Variants in SYNE1 observed in about 807,000 individuals in gnomAD.
The protein encoded by SYNE1 is nesprin-1.
A neutral mutation model predicts 1,111.0 loss-of-function variants in SYNE1; 616 were observed. The observed-to-expected ratio is 0.55, with a 90% confidence interval of 0.52 to 0.59. The LOEUF is 0.59. Among genes scored for constraint, SYNE1 ranks in the 20% least tolerant of loss-of-function variants. The pLI is 0.00. For synonymous variants in SYNE1, 3,855 were observed against 3,825.8 expected (o/e 1.01, Z -0.28); for missense variants, 10,006 against 10,417.0 (o/e 0.96, Z 1.72).
At chr6:152,131,752 G>A (rs1002397625) in intron 144 of SYNE1, among the ~76,000 whole-genome samples, 17 of 152,108 alleles carry the variant, frequency 1.1e-4, no homozygotes, top group East Asian at 1.9e-4. Flanking sequence ...ACCTCCAGCC[G>A]AGGCGCCCCG....
chr6:152,279,503 C>A (rs1278649774), intron 97 of SYNE1, among the ~76,000 whole-genome samples: 1 of 151,520 alleles, frequency 6.6e-6, no homozygotes, highest in Non-Finnish European at 1.5e-5. Context: ...ATCGCTTGAG[C>A]TCAGGAGTTT....
chr6:152,206,548 T>C (rs560386343), intron 125 of SYNE1, among the ~76,000 whole-genome samples, 186 bp from the exon 126 acceptor site: 1 of 152,242 alleles, frequency 6.6e-6, no homozygotes, highest in African/African-American at 2.4e-5. Flanking sequence ...GCTTAGTTTC[T>C]GTCTCCAAGG....
intron 50 of SYNE1, among the ~76,000 whole-genome samples, chr6:152,395,987 C>T (rs1221323017): frequency 1.3e-5 from 2 of 152,138 alleles, no homozygotes; most frequent in Admixed American, 6.5e-5. Context: ...TTGTGTCTTA[C>T]TACGAAGACC....
chr6:152,465,169 A>G lies in SYNE1; in HGVS notation c.1932+89T>C, dbSNP rs1011725145. On this transcript the variant is annotated intron_variant, in intron 18 of 145. Transcript: ENST00000367255. The stretch of plus-strand genomic sequence containing the variant: ...AGATTCTTGAGTGACACTTGTAAAT[A>G]TATGCGACCCCCTAGTGAGCTACGC... 3.5e-5 allele frequency: 50 copies of G among 1,426,864 alleles called. No individual in the cohort carries two copies. The African/African-American group carries it at 6.8e-4, about 19-fold the overall frequency. The allele number at this position is 1,426,864 out of a possible 1,614,324, so 88.4% of individuals were successfully genotyped here.
chr6:152,380,503 T>C (rs2097390276), intron 56 of SYNE1: 1 of 159,744 alleles, frequency 6.3e-6, no homozygotes, highest in Non-Finnish European at 1.4e-5. Flanking sequence ...AGAGTTCTGT[T>C]AACAGGCTAA....
intron 115 of SYNE1, 113 bp from the exon 116 acceptor site, chr6:152,225,989 A>C (rs2081485374): frequency 1.9e-6 from 2 of 1,044,118 alleles, no homozygotes; most frequent in Admixed American, 2.4e-5. Flanking sequence ...TAATCCAAAA[A>C]GCTTATCTCT....
intron 127 of SYNE1, among the ~76,000 whole-genome samples, chr6:152,192,727 G>A (rs903433462): frequency 9.2e-5 from 14 of 151,850 alleles, no homozygotes; most frequent in Admixed American, 7.2e-4. Flanking sequence ...ATTTATCTGG[G>A]TGGTCCAGTG....
rs748930641 is a variant in SYNE1, at chr6:152,334,145, G to A, written c.12657C>T (p.Leu4219=). The change falls in exon 77 of 146, where the codon CTC becomes CTT. Residue 4219 remains leucine (L), a synonymous_variant. Coordinates refer to ENST00000367255, the MANE Select transcript of SYNE1 (RefSeq NM_182961.4). ...GGTTGTTAGACTGACGGCACAAATCGAGCCACTGATCATTTAAATGATTTA... is the reference window on the plus strand; with the variant it reads ...GGTTGTTAGACTGACGGCACAAATCAAGCCACTGATCATTTAAATGATTTA... The part of the protein sequence containing the change: ...KEINHLNDQW[L]DLCRQSNNLC... 24 of 1,613,906 alleles carry A rather than the reference G, an allele frequency of 1.5e-5. No individual in the cohort carries two copies. The highest frequency in any genetic ancestry group is 3.3e-4 in the Middle Eastern group (2 of 6,084).
intron 4 of SYNE1, among the ~76,000 whole-genome samples, chr6:152,533,659 G>A (rs1487786397): frequency 6.6e-6 from 1 of 151,856 alleles, no homozygotes; most frequent in Non-Finnish European, 1.5e-5. Context: ...CCCTCCTTCT[G>A]CCCTTGCTTC....
At chr6:152,561,639 G>A (rs1247287053) in intron 3 of SYNE1, among the ~76,000 whole-genome samples, 1 of 152,024 alleles carries the variant, frequency 6.6e-6, no homozygotes, top group Non-Finnish European at 1.5e-5. Flanking sequence ...AACAAAGCTG[G>A]AGGCATATTT....
At chr6:152,511,701 G>A (rs2099085881) in intron 6 of SYNE1, 10 of 1,119,810 alleles carry the variant, frequency 8.9e-6, no homozygotes, top group Admixed American at 1.8e-5. Flanking sequence ...TTTAGAACCT[G>A]ACTGTGGTAA....
intron 138 of SYNE1, 55 bp downstream of exon 138, chr6:152,143,568 T>C (rs2058899392): frequency 6.2e-7 from 1 of 1,613,316 alleles, no homozygotes. Context: ...AACTGTTCTT[T>C]GACACAGAAC....
intron 15 of SYNE1, 30 bp from the exon 16 acceptor site, chr6:152,471,795 A>C (rs2098806943): frequency 1.2e-6 from 2 of 1,603,906 alleles, no homozygotes; most frequent in South Asian, 2.2e-5. Context: ...AATTTATAGA[A>C]TGTAACTAAT....
Position 152,441,904 on chromosome 6 carries a change from A to G in SYNE1, c.4008+171T>C, listed in dbSNP as rs895826049. 3.9e-5 allele frequency among the ~76,000 whole-genome samples: 6 copies of G among 152,196 alleles called. No individual in the cohort carries two copies. The South Asian group carries it at 6.2e-4, about 16-fold the overall frequency. ...ACTTGCAAAATGTGCAACTTCCAAT[A>G]TCCATCTCTAAGGCTGATGTGATGA... On this transcript the variant is annotated intron_variant, in intron 31 of 145. Coordinates refer to ENST00000367255, the MANE Select transcript of SYNE1 (RefSeq NM_182961.4).
intron 127 of SYNE1, among the ~76,000 whole-genome samples, chr6:152,195,883 T>G (rs905770329): frequency 1.3e-5 from 2 of 152,176 alleles, no homozygotes; most frequent in African/African-American, 4.8e-5. Flanking sequence ...GGCAATGAGC[T>G]CCCCCTGGCC....
intron 3 of SYNE1, among the ~76,000 whole-genome samples, chr6:152,603,814 A>T (rs144455050): frequency 0.057 from 6,935 of 122,028 alleles, 267 homozygotes; most frequent in Non-Finnish European, 0.088. Context: ...TATAGAGAGT[A>T]TATATATATA....
At chr6:152,372,091 C>T (rs2097200851) in intron 59 of SYNE1, among the ~76,000 whole-genome samples, 1 of 152,168 alleles carries the variant, frequency 6.6e-6, no homozygotes, top group Non-Finnish European at 1.5e-5. Flanking sequence ...TCTTGGGCAT[C>T]TCTTGAACTA....
At chr6:152,418,295 C>T (rs556024821) in intron 40 of SYNE1, among the ~76,000 whole-genome samples, 23 of 152,258 alleles carry the variant, frequency 1.5e-4, no homozygotes, top group Non-Finnish European at 3.2e-4. Context: ...ATGTAATCAT[C>T]AGGGAAGATA....
At chr6:152,309,295 T>C (rs1303515186) in intron 90 of SYNE1, among the ~76,000 whole-genome samples, 3 of 152,202 alleles carry the variant, frequency 2.0e-5, no homozygotes, top group African/African-American at 7.2e-5. Flanking sequence ...ATGCTATTGA[T>C]ACAATTTTTG....
Sources: gnomAD v4.1 joint callset for allele counts (sites outside exome capture counted in the v4.1 genomes callset) on GRCh38, gnomAD v4.1.1 for gene constraint, MANE v1.5 for transcripts, NCBI Gene and HGNC (gene_info 2026-07-23, HGNC 2026-07-21) for gene names.